The following MFSD11 variants were observed in gnomAD, a reference collection of about 807,000 sequenced individuals.
The protein encoded by MFSD11 is UNC93-like protein MFSD11.
MFSD11 carries 36 observed loss-of-function variants against 53.5 expected under a neutral mutation model. That is an observed-to-expected ratio of 0.67 (90% CI 0.52 to 0.89). The LOEUF is 0.89. MFSD11 is among the 40% of genes least tolerant of loss of function. The probability of loss-of-function intolerance (pLI) is 0.00; values close to 1 mark genes in which losing one functional copy is unlikely to be tolerated. For missense variants in MFSD11, 530 were observed against 543.9 expected, an observed-to-expected ratio of 0.97 and a Z score of 0.25; for synonymous variants, 186 against 184.9, an observed-to-expected ratio of 1.01 and a Z score of -0.05.
At chr17:76,791,601 G>A in the MFSD11 span, among the ~76,000 whole-genome samples, 2 of 148,648 alleles carry the variant, frequency 1.3e-5, no homozygotes, top group South Asian at 4.4e-4. Context: ...GAATCCATGT[G>A]CCGTGGGGGA....
At chr17:76,795,516 A>T in the MFSD11 span, among the ~76,000 whole-genome samples, 1 of 152,020 alleles carries the variant, frequency 6.6e-6, no homozygotes, top group South Asian at 2.1e-4. Flanking sequence ...TAAAGTATGC[A>T]GGAAGATGTG....
chr17:76,793,541 G>A, the MFSD11 span, among the ~76,000 whole-genome samples: 1 of 151,266 alleles, frequency 6.6e-6, no homozygotes, highest in South Asian at 2.1e-4. Flanking sequence ...TACAATTTGT[G>A]CAGTTAACGC....
At chr17:76,789,092 A>G in the MFSD11 span, among the ~76,000 whole-genome samples, 1 of 149,726 alleles carries the variant, frequency 6.7e-6, no homozygotes, top group Non-Finnish European at 1.5e-5. Context: ...CAGTGAGCTG[A>G]GATCACACCA....
the MFSD11 span, among the ~76,000 whole-genome samples, chr17:76,789,559 A>G: frequency 1.3e-5 from 2 of 149,776 alleles, no homozygotes; most frequent in African/African-American, 4.9e-5. Context: ...AGCTCCAGGT[A>G]TTTTCTATCT....
At chr17:76,782,917 G>A (rs1404088968), downstream of MFSD11, among the ~76,000 whole-genome samples, 2 of 151,806 alleles carry the variant, frequency 1.3e-5, no homozygotes, top group Non-Finnish European at 2.9e-5. Context: ...GGTGGCTCAC[G>A]CCTATAATCA....
chr17:76,740,953 G>T lies in MFSD11; in HGVS notation c.153-4G>T, dbSNP rs368434032. 1.6e-5 allele frequency: 24 copies of T among 1,500,266 alleles called. No individual in the cohort carries two copies. The highest frequency in any genetic ancestry group is 2.2e-5 in the Non-Finnish European group (24 of 1,086,318). The allele number at this position is 1,500,266 out of a possible 1,614,324, so 92.9% of individuals were successfully genotyped here. On this transcript the variant is annotated splice_polypyrimidine_tract_variant and splice_region_variant and intron_variant, in intron 2 of 12. Transcript: ENST00000685175. ...TTTTTTCCGTTTGTGTATTATGTGT[G>T]CAGCATGGCTATTATCTATGGAGTG...
chr17:76,785,515 T>C (rs2082263687), downstream of MFSD11, among the ~76,000 whole-genome samples: 2 of 151,738 alleles, frequency 1.3e-5, no homozygotes, highest in African/African-American at 4.8e-5. Context: ...TTTTTTTGTA[T>C]TTTTTGTAAA....
rs144128155 is a variant in MFSD11, at chr17:76,745,944, G to A, written c.641+1478G>A. Among the ~76,000 whole-genome samples the A allele has an allele frequency of 2.4e-3, 366 of 152,174 alleles. 2 individuals are homozygous for A. The highest frequency in any genetic ancestry group is 8.4e-3 in the African/African-American group (348 of 41,498). On this transcript the variant is annotated intron_variant, in intron 7 of 12. Transcript: ENST00000685175. ...AGCCTCCCAAGTAGCTGGGATTACA[G>A]GCATGCACCACCACACCCGGCTAAT...
At chr17:76,794,491 A>AAT in the MFSD11 span, among the ~76,000 whole-genome samples, 1 of 147,672 alleles carries the variant, frequency 6.8e-6, no homozygotes, top group Admixed American at 6.7e-5. Context: ...AAAAAAAAAA[A>AAT]ATTAGCCAGG....
chr17:76,803,184 CA>C, the MFSD11 span, among the ~76,000 whole-genome samples: 2 of 150,524 alleles, frequency 1.3e-5, no homozygotes, highest in Admixed American at 6.6e-5. Flanking sequence ...ACAAAACAAA[CA>C]AAAAAAAACC....
intron 7 of MFSD11, among the ~76,000 whole-genome samples, chr17:76,750,474 C>T (rs2144353031): frequency 6.7e-6 from 1 of 149,986 alleles, no homozygotes; most frequent in African/African-American, 2.5e-5. Context: ...TCTCCTGTCT[C>T]AGCCTCCTGA....
chr17:76,760,426 G>A (rs1471084855), intron 8 of MFSD11, among the ~76,000 whole-genome samples: 5 of 152,138 alleles, frequency 3.3e-5, no homozygotes, highest in Non-Finnish European at 7.4e-5. Flanking sequence ...GTTGGCAGAG[G>A]CAGAAGAAAG....
chr17:76,765,137 G>C (rs1179756814), intron 8 of MFSD11, among the ~76,000 whole-genome samples: 1 of 152,028 alleles, frequency 6.6e-6, no homozygotes, highest in Non-Finnish European at 1.5e-5. Flanking sequence ...TTTAGTTTTA[G>C]CTCTTACATT....
In MFSD11 at chr17:76,738,916, A is replaced by G. The variant is rs202170029; in HGVS notation, c.97-22A>G. 82 of 1,610,986 alleles carry G rather than the reference A, an allele frequency of 5.1e-5. 1 individual carries two copies. The highest frequency in any genetic ancestry group is 4.5e-4 in the South Asian group (41 of 90,988). On this transcript the variant is annotated intron_variant, in intron 1 of 12. Coordinates refer to ENST00000685175, the MANE Select transcript of MFSD11 (RefSeq NM_001242532.5). ...GGGAGACTGCAAAACATTTTCGTTGATTAGTTTTATCTTCCACACAGCAAA... is the reference window on the plus strand; with the variant it reads ...GGGAGACTGCAAAACATTTTCGTTGGTTAGTTTTATCTTCCACACAGCAAA...
chr17:76,781,008 C>CA (rs1391637388), downstream of MFSD11: 20 of 152,254 alleles, frequency 1.3e-4, no homozygotes, highest in African/African-American at 4.6e-4. Flanking sequence ...AAAACGTAGC[C>CA]ACTTAAAATA....
downstream of MFSD11, among the ~76,000 whole-genome samples, chr17:76,785,787 A>T (rs111517236): frequency 1.3e-5 from 2 of 152,254 alleles, no homozygotes; most frequent in Non-Finnish European, 2.9e-5. Flanking sequence ...GAGTATTTTT[A>T]TCACAATTAA....
chr17:76,769,091 C>T (rs1339412794), intron 9 of MFSD11: 1 of 152,152 alleles, frequency 6.6e-6, no homozygotes, highest in Non-Finnish European at 1.5e-5. Context: ...ATTATCACCT[C>T]TGCCCATCTC....
chr17:76,775,162 T>C lies in MFSD11; in HGVS notation c.1040T>C (p.Ile347Thr). 2 of 1,613,750 alleles carry C rather than the reference T, an allele frequency of 1.2e-6. No homozygotes were observed. Residue 347 changes from isoleucine to threonine, a missense_variant, in exon 11 of 13, where the codon ATC becomes ACC. Physicochemically the swap from Ile to Thr is moderately conservative, Grantham distance 89. Transcript: ENST00000685175. ...AAAGGAACTGACAGCAGTGCTTACA[T>C]CAAATCCAGGTATAGTGGCTGTCAT... ...PVKGTDSSAY[I>T]KSSKEVAILC...
Position 76,743,563 on chromosome 17 carries a change from AC to A in MFSD11, c.496+108del, listed in dbSNP as rs1598492887. 17 of 613,756 alleles carry A rather than the reference AC, an allele frequency of 2.8e-5. No homozygotes were observed. In the East Asian group the frequency reaches 4.6e-4, roughly 17 times the overall value. The allele number at this position is 613,756 out of a possible 1,614,324, so 38.0% of individuals were successfully genotyped here. ...TCAAGCATCGTTCTCATGAACCCCG[AC>A]ACCTCAAGTTCTCGCAGATTTTAGC... On this transcript the variant is annotated intron_variant, in intron 6 of 12. Transcript: ENST00000685175.
Sources: allele counts gnomAD v4.1 joint callset (sites outside exome capture counted in the v4.1 genomes callset), GRCh38; gene constraint gnomAD v4.1.1; transcripts MANE v1.5; gene names NCBI Gene and HGNC (gene_info 2026-07-23, HGNC 2026-07-21).